The following TRERF1 variants were observed in gnomAD, a reference collection of about 807,000 sequenced individuals.
The protein encoded by TRERF1 is transcriptional regulating factor 1.
A neutral mutation model predicts 122.9 loss-of-function variants in TRERF1; 27 were observed. The observed-to-expected ratio is 0.22, with a 90% CI of 0.16 to 0.30. TRERF1 has a LOEUF of 0.30. Among genes scored for constraint, TRERF1 ranks in the 10% least tolerant of loss-of-function variants. The pLI, the probability that TRERF1 is intolerant of heterozygous loss-of-function variation, is 1.00. For synonymous variants in TRERF1, 636 were observed against 641.7 expected, an observed-to-expected ratio of 0.99 and a Z score of 0.13; for missense variants, 1,248 against 1,560.3, an observed-to-expected ratio of 0.80 and a Z score of 3.37.
intron 3 of TRERF1, among the ~76,000 whole-genome samples, chr6:42,333,589 C>T (rs1765613847): frequency 6.6e-6 from 1 of 152,182 alleles, no homozygotes; most frequent in African/African-American, 2.4e-5. Context: ...GAGAACTGAC[C>T]TCTGGTCTCT....
At chr6:42,308,786 G>C (rs754700382) in intron 3 of TRERF1, among the ~76,000 whole-genome samples, 5 of 152,172 alleles carry the variant, frequency 3.3e-5, no homozygotes, top group African/African-American at 1.2e-4. Context: ...GTCTACTTGA[G>C]GGGGGAGGGC....
At chr6:42,325,219 C>T (rs1351084305) in intron 3 of TRERF1, among the ~76,000 whole-genome samples, 1 of 152,160 alleles carries the variant, frequency 6.6e-6, no homozygotes, top group Non-Finnish European at 1.5e-5. Context: ...CATCCGACAC[C>T]AGTCCAAATG....
intron 2 of TRERF1, among the ~76,000 whole-genome samples, chr6:42,383,253 T>G (rs1292166612): frequency 6.6e-6 from 1 of 152,092 alleles, no homozygotes; most frequent in Non-Finnish European, 1.5e-5. Context: ...CAAAAACATA[T>G]TGAGCATAGT....
chr6:42,301,943 C>A (rs1485260115), intron 3 of TRERF1, among the ~76,000 whole-genome samples: 2 of 152,156 alleles, frequency 1.3e-5, no homozygotes, highest in Non-Finnish European at 1.5e-5. Context: ...GAAGGAGAAC[C>A]ACAGCAGGAG....
chr6:42,266,831 G>A (rs1313103093), intron 5 of TRERF1, among the ~76,000 whole-genome samples: 2 of 152,150 alleles, frequency 1.3e-5, no homozygotes, highest in Non-Finnish European at 2.9e-5. Flanking sequence ...TGTTTGTTTG[G>A]CTAGACTGTT....
chr6:42,305,972 C>T (rs1787133631), intron 3 of TRERF1, among the ~76,000 whole-genome samples: 1 of 150,182 alleles, frequency 6.7e-6, no homozygotes, highest in African/African-American at 2.4e-5. Flanking sequence ...GGAAAACTCC[C>T]ATTCTCTCTC....
At chr6:42,236,101 G>T in intron 16 of TRERF1, 104 bp downstream of exon 16, 5 of 1,453,422 alleles carry the variant, frequency 3.4e-6, no homozygotes, top group Non-Finnish European at 4.5e-6. Flanking sequence ...GCCAAACTGT[G>T]ACTGTTGGAA....
chr6:42,270,768 C>CTTT (rs1175342905), intron 4 of TRERF1, among the ~76,000 whole-genome samples: 122 of 119,576 alleles, frequency 1.0e-3, no homozygotes, highest in Middle Eastern at 5.0e-3. Flanking sequence ...GACCTCATCT[C>CTTT]TTTTTTTTTT....
At chr6:42,256,685 A>G in intron 12 of TRERF1, 43 bp downstream of exon 12, 2 of 1,561,422 alleles carry the variant, frequency 1.3e-6, no homozygotes, top group African/African-American at 1.4e-5. Flanking sequence ...TTGGGAAAAT[A>G]CTCTTCAGGA....
chr6:42,302,641 C>G (rs1434032077), intron 3 of TRERF1, among the ~76,000 whole-genome samples: 1 of 152,162 alleles, frequency 6.6e-6, no homozygotes, highest in Non-Finnish European at 1.5e-5. Context: ...TGTAATGTTA[C>G]AAAGATTGTG....
rs570078995 is a variant in TRERF1, at chr6:42,252,749, CTG to C, written c.2656+2100_2656+2101del. ...GCCTCCCCTGCGGCTTAGAAGGAAA[CTG>C]TTAAGGAGATGGTTTTGGGTCAGAC... On this transcript the variant is annotated intron_variant, in intron 13 of 17. Transcript: ENST00000372922. 2.5e-4 allele frequency among the ~76,000 whole-genome samples: 38 copies of C among 152,294 alleles called. No individual in the cohort carries two copies. In the East Asian group the frequency reaches 7.1e-3, roughly 29 times the overall value.
intron 4 of TRERF1, among the ~76,000 whole-genome samples, chr6:42,287,292 T>C (rs113690273): frequency 8.0e-6 from 1 of 124,442 alleles, no homozygotes; most frequent in East Asian, 2.3e-4. Context: ...TAAAGTATAA[T>C]AAAAAAAAAA....
chr6:42,401,657 C>A (rs1288271508), intron 2 of TRERF1, among the ~76,000 whole-genome samples: 1 of 152,208 alleles, frequency 6.6e-6, no homozygotes, highest in Non-Finnish European at 1.5e-5. Flanking sequence ...TTGGTGCCAG[C>A]ATGGATGGGG....
chr6:42,426,874 T>TACTG (rs1172022305), intron 2 of TRERF1, among the ~76,000 whole-genome samples: 1 of 152,200 alleles, frequency 6.6e-6, no homozygotes, highest in Non-Finnish European at 1.5e-5. Context: ...ATTCTGCATA[T>TACTG]ACTGGAATAA....
At chr6:42,238,828 A>G (rs1772875773) in intron 15 of TRERF1, among the ~76,000 whole-genome samples, 1 of 120,984 alleles carries the variant, frequency 8.3e-6, no homozygotes, top group African/African-American at 3.1e-5. Flanking sequence ...GCTGAGAATC[A>G]TGCATTTCAC....
At chr6:42,341,553 G>A (rs908732879) in intron 3 of TRERF1, among the ~76,000 whole-genome samples, 2 of 152,304 alleles carry the variant, frequency 1.3e-5, no homozygotes, top group Non-Finnish European at 2.9e-5. Flanking sequence ...ATGCAACCCA[G>A]GAAGGTATGT....
intron 3 of TRERF1, among the ~76,000 whole-genome samples, chr6:42,327,343 T>C (rs927201519): frequency 6.6e-6 from 1 of 152,120 alleles, no homozygotes; most frequent in Non-Finnish European, 1.5e-5. Context: ...CTTTTACAGA[T>C]GGGTAAAATA....
intron 4 of TRERF1, among the ~76,000 whole-genome samples, chr6:42,284,983 G>A (rs1242090395): frequency 6.6e-6 from 1 of 151,744 alleles, no homozygotes; most frequent in African/African-American, 2.4e-5. Context: ...TTTTTCAAAG[G>A]TCCTCAAGGT....
chr6:42,268,674 TGCTGTGGCGGCG>T lies in TRERF1; in HGVS notation c.905_916del (p.Pro302_Gln305del), dbSNP rs749047416. The T allele has an allele frequency of 1.2e-6, 2 of 1,614,148 alleles. No homozygotes were observed. Among genetic ancestry groups the T allele is most frequent in the East Asian group, 2.2e-5 (1 of 44,890 alleles). On this transcript the variant is annotated inframe_deletion, in exon 5 of 18. Coordinates refer to ENST00000372922, the Ensembl canonical transcript of TRERF1. This position sits in a 1 kb window ranked among gnomAD's most constrained non-coding sequence, Gnocchi z 4.4. The stretch of plus-strand genomic sequence containing the variant: ...CAGCTGTAGCTGCTGCGGCTGCTGC[TGCTGTGGCGGCG>T]GCTGTGGCTGTGATGGGCGAATTTG...
Sources: allele counts gnomAD v4.1 joint callset (sites outside exome capture counted in the v4.1 genomes callset), GRCh38; gene constraint gnomAD v4.1.1; non-coding constraint Gnocchi (gnomAD v3.1); transcripts MANE v1.5; gene names NCBI Gene and HGNC (gene_info 2026-07-23, HGNC 2026-07-21).